Variants in NCOA3 observed in about 807,000 individuals in gnomAD.
The protein encoded by NCOA3 is nuclear receptor coactivator 3.
Under a neutral mutation model 158.8 loss-of-function variants are expected in NCOA3, and 51 were observed. The observed-to-expected ratio is 0.32, with a 90% CI of 0.26 to 0.41. The LOEUF is 0.41. NCOA3 is among the 10% of genes least tolerant of loss of function. The pLI, the probability that NCOA3 is intolerant of heterozygous loss-of-function variation, is 1.00. For synonymous variants in NCOA3, 537 were observed against 592.4 expected, an observed-to-expected ratio of 0.91 and a Z score of 1.36; for missense variants, 1,510 against 1,746.6, an observed-to-expected ratio of 0.86 and a Z score of 2.41.
rs2086829830 is a variant in NCOA3, at chr20:47,653,415, T to C, written c.4273T>C (p.Ter1425ArgextTer8). The C allele has an allele frequency of 1.9e-6, 3 of 1,591,852 alleles. No individual in the cohort carries two copies. Among genetic ancestry groups the C allele is most frequent in the East Asian group, 4.5e-5 (2 of 44,730 alleles). ...TCCTGGTTGCTGACAGAAATACTGC[T>C]GACATCTCTGCACCAGGACCTCTTA... is the stretch of plus-strand genomic sequence containing the variant. ...MPMGPDQKYC[*>R] Residue 1425 changes from the stop codon to arginine (R), a stop_lost, in exon 23 of 23, where the codon TGA (stop) becomes CGA (arginine). Transcript: ENST00000371998.
At chr20:47,552,435 G>A (rs1394086831) in intron 1 of NCOA3, among the ~76,000 whole-genome samples, 1 of 152,186 alleles carries the variant, frequency 6.6e-6, no homozygotes, top group East Asian at 1.9e-4. Context: ...TGAGGCAAGA[G>A]CAAAGATTTC....
At chr20:47,559,823 T>G (rs2085069571) in intron 1 of NCOA3, among the ~76,000 whole-genome samples, 1 of 152,144 alleles carries the variant, frequency 6.6e-6, no homozygotes, top group Non-Finnish European at 1.5e-5. Flanking sequence ...GCTAATTTTT[T>G]GTATTTTTAG....
intron 1 of NCOA3, among the ~76,000 whole-genome samples, chr20:47,560,057 A>G (rs2085072467): frequency 1.3e-5 from 2 of 152,130 alleles, no homozygotes; most frequent in Non-Finnish European, 2.9e-5. Flanking sequence ...AAGTGTTGGA[A>G]TTACAGGAGT....
intron 1 of NCOA3, among the ~76,000 whole-genome samples, chr20:47,518,419 T>G (rs1680741741): frequency 8.0e-6 from 1 of 125,714 alleles, no homozygotes; most frequent in African/African-American, 3.3e-5. Flanking sequence ...TTTCTTTTTC[T>G]GTTTTTTTTT....
At chr20:47,637,892 G>A (rs2086542066) in intron 13 of NCOA3, 109 bp downstream of exon 13, 2 of 985,096 alleles carry the variant, frequency 2.0e-6, no homozygotes, top group African/African-American at 3.4e-5. Context: ...TATAACTTCA[G>A]AACATATATT....
At chr20:47,522,538 C>A (rs1467340476) in intron 1 of NCOA3, among the ~76,000 whole-genome samples, 1 of 151,930 alleles carries the variant, frequency 6.6e-6, no homozygotes, top group Non-Finnish European at 1.5e-5. Flanking sequence ...AAGTCCCCAC[C>A]TGCCACAGAT....
At chr20:47,651,316 A>G (rs2086791521) in intron 20 of NCOA3, 40 bp downstream of exon 20, 2 of 1,568,610 alleles carry the variant, frequency 1.3e-6, no homozygotes, top group South Asian at 2.4e-5. Context: ...CCAAGTTAAC[A>G]TTACTAAGGA....
intron 1 of NCOA3, among the ~76,000 whole-genome samples, chr20:47,554,427 G>T (rs2084970329): frequency 6.6e-6 from 1 of 151,946 alleles, no homozygotes; most frequent in Non-Finnish European, 1.5e-5. Flanking sequence ...GTCAATTTTG[G>T]CTTTTGTTGC....
chr20:47,624,571 ACCT>A (rs2086292308), intron 4 of NCOA3, among the ~76,000 whole-genome samples: 1 of 151,864 alleles, frequency 6.6e-6, no homozygotes, highest in Non-Finnish European at 1.5e-5. Flanking sequence ...CCCACTGCTG[ACCT>A]CCTGCTGTGC....
At chr20:47,629,839 C>CAAGT (rs2086384770) in intron 8 of NCOA3, among the ~76,000 whole-genome samples, 1 of 152,088 alleles carries the variant, frequency 6.6e-6, no homozygotes, top group South Asian at 2.1e-4. Flanking sequence ...AGCAATTTAG[C>CAAGT]AAGTAGCATC....
intron 2 of NCOA3, among the ~76,000 whole-genome samples, chr20:47,610,988 T>C (rs2086033093): frequency 6.6e-6 from 1 of 152,198 alleles, no homozygotes; most frequent in Admixed American, 6.5e-5. Context: ...CATTTGACCA[T>C]GGTTACCATT....
In NCOA3 at chr20:47,639,920, C is replaced by T; in HGVS notation, c.2954-5C>T. ...AGAATTTGTGCTTTCTTTTTGCTCC[C>T]CCAGGGCCTGGTGAAATCCCCATGG... is the stretch of plus-strand genomic sequence containing the variant. On this transcript the variant is annotated splice_polypyrimidine_tract_variant and splice_region_variant and intron_variant, in intron 15 of 22. Transcript: ENST00000371998. 1 of 1,614,082 alleles carries T rather than the reference C, an allele frequency of 6.2e-7. No homozygotes were observed.
At chr20:47,522,689 C>G (rs1271087788) in intron 1 of NCOA3, among the ~76,000 whole-genome samples, 1 of 150,566 alleles carries the variant, frequency 6.6e-6, no homozygotes, top group African/African-American at 2.4e-5. Flanking sequence ...TATGCAAATG[C>G]AGGGGCGCTA....
intron 19 of NCOA3, among the ~76,000 whole-genome samples, chr20:47,649,846 G>A (rs531434027): frequency 2.0e-4 from 31 of 152,132 alleles, no homozygotes; most frequent in African/African-American, 6.5e-4. Context: ...GAGATGACCC[G>A]TAGCTAGTAG....
chr20:47,605,137 A>T (rs1415555885), intron 2 of NCOA3, among the ~76,000 whole-genome samples: 1 of 152,264 alleles, frequency 6.6e-6, no homozygotes, highest in Admixed American at 6.5e-5. Flanking sequence ...AAGTGCTGGG[A>T]TAATAGGCGT....
intron 1 of NCOA3, among the ~76,000 whole-genome samples, chr20:47,571,115 C>G (rs139301187): frequency 8.0e-5 from 12 of 150,392 alleles, no homozygotes; most frequent in African/African-American, 2.9e-4. Flanking sequence ...AGCAATTCTC[C>G]TACCTCAGTC....
At position 47,627,963 on chromosome 20, in the gene NCOA3, A is replaced by G. The variant is rs773592839; in HGVS notation, c.763A>G (p.Thr255Ala). The change falls in exon 8 of 23, where the codon ACA (threonine) becomes GCA (alanine). Residue 255 changes from threonine (T) to alanine (A), a missense_variant. Thr to Ala is a moderately conservative substitution (Grantham distance 58, BLOSUM62 0). This residue lies in a region of NCOA3 where 309 missense variants were observed against 427.1 expected (regional missense o/e 0.72). Coordinates refer to ENST00000371998, the MANE Select transcript of NCOA3 (RefSeq NM_181659.3). ...GATCTGTGTGGCACGCCGCATTACT[A>G]CAGGAGAAAGAACATTTCCATCAAA... ...CMICVARRITTGERTFPSNPE... is the reference protein window; with the variant it reads ...CMICVARRITAGERTFPSNPE... 4.3e-6 allele frequency: 7 copies of G among 1,613,932 alleles called. No homozygotes were observed. In the African/African-American group the frequency reaches 5.3e-5, roughly 12 times the overall value.
chr20:47,618,348 GTTTTT>G (rs71183269), intron 2 of NCOA3, among the ~76,000 whole-genome samples: 4 of 101,378 alleles, frequency 3.9e-5, no homozygotes, highest in Admixed American at 1.1e-4. Flanking sequence ...TTTTCCCTTA[GTTTTT>G]TTTTTTTTTT....
rs535423910 is a variant in NCOA3 at position 47,642,799 on chromosome 20, A to G, written c.3252+415A>G. Among the ~76,000 whole-genome samples, 85 of 152,296 alleles carry G rather than the reference A, an allele frequency of 5.6e-4. 1 individual carries two copies. In the South Asian group the frequency reaches 0.015, roughly 26 times the overall value. The stretch of plus-strand genomic sequence containing the variant: ...TTTGTTTAAACAAAACTTGTTTACA[A>G]TGGCCAAGCTGAACATCCTAACATC... On this transcript the variant is annotated intron_variant, in intron 17 of 22. Coordinates refer to ENST00000371998, the MANE Select transcript of NCOA3 (RefSeq NM_181659.3).
Sources: gnomAD v4.1 joint callset for allele counts (sites outside exome capture counted in the v4.1 genomes callset) on GRCh38, gnomAD v4.1.1 for gene constraint, gnomAD v4.1.1 regional missense constraint, MANE v1.5 for transcripts, NCBI Gene and HGNC (gene_info 2026-07-23, HGNC 2026-07-21) for gene names.